The following TRIM44 variants were observed in gnomAD, a reference collection of about 807,000 sequenced individuals.
TRIM44 encodes the protein tripartite motif-containing protein 44.
Under a neutral mutation model 37.4 loss-of-function variants are expected in TRIM44, and 13 were observed. The ratio of observed to expected loss-of-function variants is 0.35; its 90% confidence interval spans 0.23 to 0.55. The LOEUF (loss-of-function observed/expected upper bound fraction) is 0.55. Among genes scored for constraint, TRIM44 ranks in the 20% least tolerant of loss-of-function variants. The pLI, the probability that TRIM44 is intolerant of heterozygous loss-of-function variation, is 0.89. For missense variants in TRIM44, 426 were observed against 437.2 expected (o/e 0.97, Z 0.23); for synonymous variants, 175 against 157.2 (o/e 1.11, Z -0.85).
Position 35,817,363 on chromosome 11 carries a change from G to C in TRIM44, c.*10978G>C, listed in dbSNP as rs1214177324. 1 of 152,180 alleles carries C rather than the reference G, an allele frequency of 6.6e-6. No individual in the cohort carries two copies. Among genetic ancestry groups the C allele is most frequent in the Non-Finnish European group, 1.5e-5 (1 of 68,046 alleles). The allele number at this position is 152,180 out of a possible 1,614,324, so 9.4% of individuals were successfully genotyped here. ...AGTTGTGTGGCATTTGGCACATCAT[G>C]TTCTCTCTCTACATGCGCCTAAAAT... On this transcript the variant is annotated 3_prime_UTR_variant, in exon 5 of 5. Coordinates refer to ENST00000299413, the MANE Select transcript of TRIM44 (RefSeq NM_017583.6).
chr11:35,747,304 T>C (rs993158378), intron 4 of TRIM44, among the ~76,000 whole-genome samples: 1 of 152,236 alleles, frequency 6.6e-6, no homozygotes, highest in African/African-American at 2.4e-5. Flanking sequence ...TTTCAAAGTT[T>C]TAAAACAACT....
At chr11:35,724,419 G>C (rs1852144094) in intron 2 of TRIM44, 1 of 152,192 alleles carries the variant, frequency 6.6e-6, no homozygotes, top group African/African-American at 2.4e-5. Flanking sequence ...GGTTCATTTA[G>C]ATGACAACTG....
At chr11:35,733,900 C>T (rs1281504223) in intron 3 of TRIM44, among the ~76,000 whole-genome samples, 1 of 152,136 alleles carries the variant, frequency 6.6e-6, no homozygotes, top group Non-Finnish European at 1.5e-5. Flanking sequence ...CTTGCTAGTT[C>T]AGTGTTCTTC....
At chr11:35,687,509 C>T (rs947038713) in intron 2 of TRIM44, among the ~76,000 whole-genome samples, 7 of 152,242 alleles carry the variant, frequency 4.6e-5, no homozygotes, top group Non-Finnish European at 2.9e-5. Context: ...TCTCTGGTTT[C>T]TGGAGCAACT....
rs1396615806 is a variant in TRIM44, at chr11:35,705,916, C to T, written c.748-20008C>T. Among the ~76,000 whole-genome samples, 3 of 148,456 alleles carry T rather than the reference C, an allele frequency of 2.0e-5. No homozygotes were observed. The South Asian group carries it at 6.5e-4, about 32-fold the overall frequency. ...AGGCAAGAAATAACTAAAATCAGAG[C>T]AGAACTGAAGGAAACAGAGACACAA... is the stretch of plus-strand genomic sequence containing the variant. On this transcript the variant is annotated intron_variant, in intron 2 of 4. Coordinates refer to ENST00000299413, the MANE Select transcript of TRIM44 (RefSeq NM_017583.6).
At chr11:35,738,873 T>C (rs1021256245) in intron 4 of TRIM44, among the ~76,000 whole-genome samples, 3 of 152,134 alleles carry the variant, frequency 2.0e-5, no homozygotes, top group Non-Finnish European at 4.4e-5. Context: ...TAGCATTCTT[T>C]TCACACAGCC....
intron 4 of TRIM44, among the ~76,000 whole-genome samples, chr11:35,785,828 A>G (rs530295279): frequency 3.3e-5 from 5 of 152,304 alleles, no homozygotes; most frequent in African/African-American, 1.2e-4. Flanking sequence ...GTTCCCTGCC[A>G]TATGCATATA....
chr11:35,714,745 T>G (rs1852017777), intron 2 of TRIM44, among the ~76,000 whole-genome samples: 1 of 152,200 alleles, frequency 6.6e-6, no homozygotes, highest in African/African-American at 2.4e-5. Flanking sequence ...AAATTCTGTA[T>G]AGTTGCCCCT....
At chr11:35,777,293 T>C (rs1852983399) in intron 4 of TRIM44, among the ~76,000 whole-genome samples, 1 of 152,138 alleles carries the variant, frequency 6.6e-6, no homozygotes, top group Non-Finnish European at 1.5e-5. Context: ...CTTTTTTTTG[T>C]TTTCCGTTTG....
intron 4 of TRIM44, among the ~76,000 whole-genome samples, chr11:35,757,329 C>T (rs1423281806): frequency 6.6e-6 from 1 of 152,190 alleles, no homozygotes; most frequent in African/African-American, 2.4e-5. Context: ...GTTTGTATTT[C>T]TGTGGGATCT....
intron 4 of TRIM44, among the ~76,000 whole-genome samples, chr11:35,786,386 A>C (rs1024544561): frequency 2.6e-5 from 4 of 152,222 alleles, no homozygotes; most frequent in Non-Finnish European, 5.9e-5. Context: ...GATTCCATCA[A>C]AGACTCCATT....
chr11:35,766,354 T>TTA (rs1447814021), intron 4 of TRIM44, among the ~76,000 whole-genome samples: 1 of 152,084 alleles, frequency 6.6e-6, no homozygotes, highest in Non-Finnish European at 1.5e-5. Flanking sequence ...ATTTATCTGG[T>TTA]TATATAGGGC....
At chr11:35,723,003 CT>C (rs1401159924) in intron 2 of TRIM44, among the ~76,000 whole-genome samples, 1 of 152,098 alleles carries the variant, frequency 6.6e-6, no homozygotes, top group Non-Finnish European at 1.5e-5. Context: ...ATCTCTCTCT[CT>C]TTCTCTCTCT....
chr11:35,805,565 G>A (rs141660792), intron 4 of TRIM44, among the ~76,000 whole-genome samples: 74 of 152,304 alleles, frequency 4.9e-4, no homozygotes, highest in African/African-American at 1.7e-3. Flanking sequence ...TGACTGACCA[G>A]TCCCTTCAAC....
At chr11:35,803,019 A>G (rs979595684) in intron 4 of TRIM44, among the ~76,000 whole-genome samples, 1 of 152,178 alleles carries the variant, frequency 6.6e-6, no homozygotes, top group African/African-American at 2.4e-5. Flanking sequence ...GAAGAAGGGT[A>G]ACATTTTTTA....
chr11:35,704,380 G>A (rs1429518386), intron 2 of TRIM44, among the ~76,000 whole-genome samples: 2 of 152,178 alleles, frequency 1.3e-5, no homozygotes, highest in Admixed American at 6.5e-5. Flanking sequence ...AGCAAGGCAG[G>A]CCAACATTCA....
chr11:35,685,197 T>C, intron 1 of TRIM44, 62 bp from the exon 2 acceptor site: 3 of 1,364,694 alleles, frequency 2.2e-6, no homozygotes, highest in Non-Finnish European at 3.1e-6. Flanking sequence ...TCCAAAATGC[T>C]GTTTGTGTTT....
chr11:35,751,738 T>G (rs1413983945), intron 4 of TRIM44, among the ~76,000 whole-genome samples: 1 of 152,214 alleles, frequency 6.6e-6, no homozygotes, highest in East Asian at 1.9e-4. Flanking sequence ...ATTTACAACC[T>G]GAGGCTTAAA....
chr11:35,677,348 A>G lies in TRIM44; in HGVS notation c.670-7911A>G, dbSNP rs1363799994. Among the ~76,000 whole-genome samples, 7 of 151,820 alleles carry G rather than the reference A, an allele frequency of 4.6e-5. No homozygotes were observed. The East Asian group carries it at 1.3e-3, about 29-fold the overall frequency. On this transcript the variant is annotated intron_variant, in intron 1 of 4. Coordinates refer to ENST00000299413, the MANE Select transcript of TRIM44 (RefSeq NM_017583.6). ...TAGATGAATACTTTCTGAATATCCT[A>G]AAACTATTTTCCCCTTCTCTTTGGT...
Sources: gnomAD v4.1 joint callset for allele counts (sites outside exome capture counted in the v4.1 genomes callset) on GRCh38, gnomAD v4.1.1 for gene constraint, MANE v1.5 for transcripts, NCBI Gene and HGNC (gene_info 2026-07-23, HGNC 2026-07-21) for gene names.